The following NIPBL variants were observed in gnomAD, a reference collection of about 807,000 sequenced individuals.
The protein encoded by NIPBL is nipped-B-like protein.
A neutral mutation model predicts 321.8 loss-of-function variants in NIPBL; 19 were observed. That is an observed-to-expected ratio of 0.06 (90% CI 0.04 to 0.09). The LOEUF (loss-of-function observed/expected upper bound fraction) is 0.09. Ranked by LOEUF, NIPBL falls within the 10% of genes least tolerant of loss-of-function variation. The pLI, the probability that NIPBL is intolerant of heterozygous loss-of-function variation, is 1.00. For synonymous variants in NIPBL, 1,106 were observed against 1,114.1 expected, an observed-to-expected ratio of 0.99 and a Z score of 0.14; for missense variants, 2,210 against 3,327.0, an observed-to-expected ratio of 0.66 and a Z score of 8.26.
At chr5:36,958,044 T>TA in intron 3 of NIPBL, 60 bp from the exon 4 acceptor site, 1 of 1,540,600 alleles carries the variant, frequency 6.5e-7, no homozygotes, top group Non-Finnish European at 9.0e-7. Flanking sequence ...TTTTATATGA[T>TA]AAGTCTTCTT....
chr5:37,060,790 CA>C, intron 44 of NIPBL, 53 bp from the exon 45 acceptor site: 1 of 1,486,804 alleles, frequency 6.7e-7, no homozygotes, highest in Non-Finnish European at 9.3e-7. Context: ...TGGATTTCTC[CA>C]AATACGTTGT....
rs781358128 is a variant in NIPBL, at chr5:37,027,603, G to GTTTTT, written c.5862+212_5862+216dup. 4.7e-3 allele frequency among the ~76,000 whole-genome samples: 325 copies of GTTTTT among 69,778 alleles called. 9 individuals are homozygous for GTTTTT. The highest frequency in any genetic ancestry group is 5.4e-3 in the Non-Finnish European group (221 of 40,882). 45.8% of individuals were successfully genotyped at this position (69,778 alleles called of 152,430 possible). ...TAATTAATTCAGTTGCCTGGTTGTG[G>GTTTTT]TTTTTTTTTTTTTTTTTTTTTTTTT... On this transcript the variant is annotated intron_variant, in intron 32 of 46. Transcript: ENST00000282516.
At chr5:36,913,302 A>G (rs1298240736) in intron 1 of NIPBL, among the ~76,000 whole-genome samples, 3 of 152,194 alleles carry the variant, frequency 2.0e-5, no homozygotes, top group Non-Finnish European at 2.9e-5. Flanking sequence ...GTGTAAAGTG[A>G]TAAAGCAAAT....
In NIPBL at chr5:36,955,452, T is replaced by C. The variant is rs562041950; in HGVS notation, c.65-20T>C. On this transcript the variant is annotated intron_variant, in intron 2 of 46. Coordinates refer to ENST00000282516, the MANE Select transcript of NIPBL (RefSeq NM_133433.4). ...TCTATAGTCACTCAATTTCTAATAA[T>C]CTGATTTTATTCCAAATAGTCCTGA... 6.1e-5 allele frequency: 98 copies of C among 1,604,766 alleles called. No individual in the cohort carries two copies. The East Asian group carries it at 2.1e-3, about 34-fold the overall frequency.
At position 37,039,586 on chromosome 5, in the gene NIPBL, T is replaced by C. The variant is rs1579536531; in HGVS notation, c.6108+848T>C. Among the ~76,000 whole-genome samples the C allele has an allele frequency of 2.0e-5, 3 of 152,034 alleles. No homozygotes were observed. The South Asian group carries it at 6.2e-4, about 31-fold the overall frequency. On this transcript the variant is annotated intron_variant, in intron 34 of 46. Transcript: ENST00000282516. Reference sequence around the variant, plus strand: ...TAAGGAAACTGAAGCTTAAAGAGTATAAGTAACTGCTAAAAATTTGAAATT... The same window carrying C: ...TAAGGAAACTGAAGCTTAAAGAGTACAAGTAACTGCTAAAAATTTGAAATT...
intron 29 of NIPBL, among the ~76,000 whole-genome samples, chr5:37,023,852 T>A (rs1017770598): frequency 6.6e-6 from 1 of 151,592 alleles, no homozygotes; most frequent in Non-Finnish European, 1.5e-5. Context: ...TAATTTAACT[T>A]GTGTTTTGTA....
intron 1 of NIPBL, among the ~76,000 whole-genome samples, chr5:36,902,528 T>C (rs1182171942): frequency 6.6e-6 from 1 of 152,186 alleles, no homozygotes; most frequent in Non-Finnish European, 1.5e-5. Context: ...CTTGTTATTT[T>C]CAGCTTTGTC....
chr5:36,928,630 C>G (rs1232665413), intron 1 of NIPBL, among the ~76,000 whole-genome samples: 1 of 152,060 alleles, frequency 6.6e-6, no homozygotes, highest in Admixed American at 6.6e-5. Flanking sequence ...GTTTTAGAAC[C>G]TTTTCATCAG....
intron 1 of NIPBL, among the ~76,000 whole-genome samples, chr5:36,889,176 A>G (rs1400649632): frequency 2.0e-5 from 3 of 152,198 alleles, no homozygotes; most frequent in Admixed American, 2.0e-4. Flanking sequence ...GAAAGAAAAC[A>G]TGAAACCCAG....
At chr5:36,968,352 G>A (rs1001572110) in intron 6 of NIPBL, among the ~76,000 whole-genome samples, 6 of 151,970 alleles carry the variant, frequency 3.9e-5, no homozygotes, top group African/African-American at 7.3e-5. Context: ...GGTGGATCAC[G>A]AGGTCAGCAG....
intron 1 of NIPBL, among the ~76,000 whole-genome samples, chr5:36,927,353 A>G (rs764843637): frequency 6.6e-6 from 1 of 152,186 alleles, no homozygotes; most frequent in South Asian, 2.1e-4. Flanking sequence ...GTAGATCATT[A>G]TAAGGATTTT....
intron 6 of NIPBL, among the ~76,000 whole-genome samples, chr5:36,962,928 A>G (rs1358275139): frequency 6.6e-6 from 1 of 152,158 alleles, no homozygotes; most frequent in African/African-American, 2.4e-5. Context: ...CACAGAAGGT[A>G]TTGGAACCAA....
chr5:37,038,588 G>C lies in NIPBL; in HGVS notation c.5972-14G>C, dbSNP rs374831448. 1 of 1,612,112 alleles carries C rather than the reference G, an allele frequency of 6.2e-7. No homozygotes were observed. Among genetic ancestry groups the C allele is most frequent in the African/African-American group, 1.3e-5 (1 of 74,934 alleles). On this transcript the variant is annotated splice_polypyrimidine_tract_variant and intron_variant, in intron 33 of 46. Coordinates refer to ENST00000282516, the MANE Select transcript of NIPBL (RefSeq NM_133433.4). ...TCATATTTTAGTGTCTTATTTCTCT[G>C]TTTGTTTTTCCAGACTCTGACAATA...
intron 1 of NIPBL, among the ~76,000 whole-genome samples, chr5:36,914,070 T>A (rs946866043): frequency 2.0e-5 from 3 of 152,168 alleles, no homozygotes; most frequent in Non-Finnish European, 2.9e-5. Context: ...CCTGGAACAT[T>A]AGTCCTCCAC....
At chr5:36,893,484 C>A (rs550296069) in intron 1 of NIPBL, among the ~76,000 whole-genome samples, 2 of 151,774 alleles carry the variant, frequency 1.3e-5, no homozygotes, top group Admixed American at 6.5e-5. Context: ...TCAGAATCAC[C>A]TAGGGATTTT....
chr5:36,931,774 G>T (rs954984425), intron 1 of NIPBL, among the ~76,000 whole-genome samples: 2 of 114,452 alleles, frequency 1.7e-5, no homozygotes, highest in Non-Finnish European at 3.4e-5. Context: ...GAATTCATTC[G>T]TATGTCTCTG....
intron 21 of NIPBL, among the ~76,000 whole-genome samples, chr5:37,013,339 CG>C (rs1313223406): frequency 6.6e-6 from 1 of 151,242 alleles, no homozygotes; most frequent in African/African-American, 2.4e-5. Flanking sequence ...GCTGGCCGGG[CG>C]GGGGGCTGAC....
chr5:36,971,936 T>C lies in NIPBL; in HGVS notation c.772-9T>C. 6.2e-7 allele frequency: 1 copy of C among 1,608,748 alleles called. No homozygotes were observed. Among genetic ancestry groups the C allele is most frequent in the Admixed American group, 1.7e-5 (1 of 59,972 alleles). ...CATTCAAAAGATAAATTGTATACTCTATTTTTAGGATGGAGATTCTTCAAC... is the reference window on the plus strand; with the variant it reads ...CATTCAAAAGATAAATTGTATACTCCATTTTTAGGATGGAGATTCTTCAAC... On this transcript the variant is annotated splice_polypyrimidine_tract_variant and intron_variant, in intron 7 of 46. Coordinates refer to ENST00000282516, the MANE Select transcript of NIPBL (RefSeq NM_133433.4).
intron 9 of NIPBL, among the ~76,000 whole-genome samples, chr5:36,978,177 T>G (rs1323196598): frequency 1.3e-5 from 2 of 152,030 alleles, no homozygotes; most frequent in Non-Finnish European, 2.9e-5. Context: ...TTGAGAAATC[T>G]CCATACTGTT....
Sources: gnomAD v4.1 joint callset for allele counts (sites outside exome capture counted in the v4.1 genomes callset) on GRCh38, gnomAD v4.1.1 for gene constraint, MANE v1.5 for transcripts, NCBI Gene and HGNC (gene_info 2026-07-23, HGNC 2026-07-21) for gene names.